Variants in NELL1 observed in about 807,000 individuals in gnomAD.
NELL1 encodes the protein protein kinase C-binding protein NELL1.
A neutral mutation model predicts 107.4 loss-of-function variants in NELL1; 76 were observed. That is an observed-to-expected ratio of 0.71 (90% confidence interval 0.59 to 0.86). The LOEUF (loss-of-function observed/expected upper bound fraction) is 0.86. Among genes scored for constraint, NELL1 ranks in the 40% least tolerant of loss-of-function variants. The probability of loss-of-function intolerance (pLI) is 0.00; values close to 1 mark genes in which losing one functional copy is unlikely to be tolerated. For synonymous variants in NELL1, 353 were observed against 341.2 expected, an observed-to-expected ratio of 1.03 and a Z score of -0.38; for missense variants, 1,024 against 1,005.5, an observed-to-expected ratio of 1.02 and a Z score of -0.25.
intron 2 of NELL1, among the ~76,000 whole-genome samples, chr11:20,754,697 A>G (rs1841413574): frequency 6.6e-6 from 1 of 152,264 alleles, no homozygotes; most frequent in Non-Finnish European, 1.5e-5. Flanking sequence ...ATGTCATAAG[A>G]AAAGACAGTT....
At chr11:20,757,552 T>C (rs1345882202) in intron 2 of NELL1, among the ~76,000 whole-genome samples, 1 of 152,226 alleles carries the variant, frequency 6.6e-6, no homozygotes, top group Non-Finnish European at 1.5e-5. Flanking sequence ...AACCTTTCCA[T>C]TTTTCTTATT....
At chr11:21,260,782 T>A (rs1848514866) in intron 14 of NELL1, 1 of 151,886 alleles carries the variant, frequency 6.6e-6, no homozygotes. Flanking sequence ...CTTATACTCA[T>A]ATTGGCTTTA....
intron 15 of NELL1, among the ~76,000 whole-genome samples, chr11:21,457,949 TAGA>T (rs750209442): frequency 3.6e-4 from 55 of 152,086 alleles, no homozygotes; most frequent in Admixed American, 2.6e-4. Flanking sequence ...GCTTTGTAGT[TAGA>T]AGGTCAGAGG....
At chr11:21,002,264 A>G (rs532842531) in intron 12 of NELL1, among the ~76,000 whole-genome samples, 7 of 152,236 alleles carry the variant, frequency 4.6e-5, no homozygotes, top group Non-Finnish European at 8.8e-5. Flanking sequence ...GACTAGAAGA[A>G]TATCAAAGCT....
intron 15 of NELL1, among the ~76,000 whole-genome samples, chr11:21,373,742 C>T (rs921205076): frequency 6.6e-6 from 1 of 152,068 alleles, no homozygotes; most frequent in Non-Finnish European, 1.5e-5. Context: ...TTTTCATAAC[C>T]CCCCTTAAGC....
rs371156062 is a variant in NELL1, at chr11:20,826,044, ACTT to A, written c.336-21531_336-21529del. Among the ~76,000 whole-genome samples the A allele has an allele frequency of 2.3e-4, 35 of 151,372 alleles. No individual in the cohort carries two copies. The East Asian group carries it at 6.2e-3, about 27-fold the overall frequency. On this transcript the variant is annotated intron_variant, in intron 3 of 19. Coordinates refer to ENST00000357134, the MANE Select transcript of NELL1 (RefSeq NM_006157.5). ...AGGGGCTTTCCCCACTTTGCTCTGC[ACTT>A]CTTCTTCCTACCACCATGTGAAGAA... is the stretch of plus-strand genomic sequence containing the variant.
intron 14 of NELL1, among the ~76,000 whole-genome samples, chr11:21,262,263 T>C (rs150954595): frequency 4.2e-4 from 64 of 151,942 alleles, no homozygotes; most frequent in East Asian, 1.9e-3. Context: ...GTGTAGTGAA[T>C]GTCCTGGGAA....
At chr11:21,487,317 A>G (rs1854659416) in intron 15 of NELL1, among the ~76,000 whole-genome samples, 1 of 152,184 alleles carries the variant, frequency 6.6e-6, no homozygotes, top group South Asian at 2.1e-4. Context: ...CAATGTGCTG[A>G]AAGAATAAAC....
chr11:21,385,217 C>T (rs1406771866), intron 15 of NELL1, among the ~76,000 whole-genome samples: 4 of 151,840 alleles, frequency 2.6e-5, no homozygotes, highest in African/African-American at 9.7e-5. Context: ...AAAATAAACT[C>T]CAGAAGGGCA....
intron 13 of NELL1, among the ~76,000 whole-genome samples, chr11:21,189,595 A>G (rs1171311305): frequency 6.6e-6 from 1 of 151,580 alleles, no homozygotes; most frequent in Non-Finnish European, 1.5e-5. Context: ...CAGTTTGTTG[A>G]GCAAGAGTAA....
At chr11:20,998,956 A>G (rs1357500605) in intron 12 of NELL1, among the ~76,000 whole-genome samples, 1 of 152,234 alleles carries the variant, frequency 6.6e-6, no homozygotes, top group Non-Finnish European at 1.5e-5. Flanking sequence ...GGTGACTTCT[A>G]CCATTACTTG....
intron 4 of NELL1, among the ~76,000 whole-genome samples, chr11:20,884,477 C>A (rs1338343276): frequency 1.3e-5 from 2 of 151,876 alleles, no homozygotes; most frequent in Non-Finnish European, 2.9e-5. Context: ...TTCATCCCAC[C>A]CAGAATCTTC....
intron 14 of NELL1, among the ~76,000 whole-genome samples, chr11:21,299,507 TTA>T (rs1281069773): frequency 2.2e-5 from 3 of 138,828 alleles, no homozygotes; most frequent in Non-Finnish European, 4.7e-5. Flanking sequence ...TTTTATTGTC[TTA>T]TATGTGTGTG....
chr11:20,906,984 C>T (rs1222701877), intron 5 of NELL1, among the ~76,000 whole-genome samples: 2 of 151,872 alleles, frequency 1.3e-5, no homozygotes, highest in African/African-American at 4.8e-5. Context: ...AATTTCTAGC[C>T]AGTGCAAATG....
intron 12 of NELL1, among the ~76,000 whole-genome samples, chr11:20,963,949 A>G (rs985484335): frequency 6.6e-6 from 1 of 152,130 alleles, no homozygotes; most frequent in East Asian, 1.9e-4. Flanking sequence ...GAGGTGGCAT[A>G]TTGGCTCCTG....
chr11:21,261,933 A>G (rs965831401), intron 14 of NELL1, among the ~76,000 whole-genome samples: 8 of 151,714 alleles, frequency 5.3e-5, no homozygotes, highest in Non-Finnish European at 2.9e-5. Context: ...CTACTTTGTG[A>G]TATTTTTAAG....
chr11:21,479,261 C>T (rs986311825), intron 15 of NELL1, among the ~76,000 whole-genome samples: 2 of 152,082 alleles, frequency 1.3e-5, no homozygotes, highest in Admixed American at 1.3e-4. Context: ...ACACTATTCA[C>T]AATAGCCGAG....
At chr11:20,848,499 C>T (rs1848741076) in intron 4 of NELL1, among the ~76,000 whole-genome samples, 1 of 152,164 alleles carries the variant, frequency 6.6e-6, no homozygotes, top group Non-Finnish European at 1.5e-5. Flanking sequence ...GTTTTTATCT[C>T]TCCATAACCC....
chr11:21,342,411 T>G (rs866895794), intron 14 of NELL1, among the ~76,000 whole-genome samples: 78 of 74,060 alleles, frequency 1.1e-3, no homozygotes, highest in South Asian at 1.7e-3. Context: ...GAGGCTTAAG[T>G]GGGGGGGGGG....
Sources: gnomAD v4.1 joint callset for allele counts (sites outside exome capture counted in the v4.1 genomes callset) on GRCh38, gnomAD v4.1.1 for gene constraint, MANE v1.5 for transcripts, NCBI Gene and HGNC (gene_info 2026-07-23, HGNC 2026-07-21) for gene names.